The following CACNA1C variants were observed in gnomAD, a reference collection of about 807,000 sequenced individuals.
CACNA1C encodes the protein calcium voltage-gated channel subunit alpha1 C.
CACNA1C carries 30 observed loss-of-function variants against 229.0 expected under a neutral mutation model. The observed-to-expected ratio is 0.13, with a 90% CI of 0.10 to 0.18. The LOEUF (loss-of-function observed/expected upper bound fraction) is 0.18. Among genes scored for constraint, CACNA1C ranks in the 10% least tolerant of loss-of-function variants. The pLI, the probability that CACNA1C is intolerant of heterozygous loss-of-function variation, is 1.00. For missense variants in CACNA1C, 1,658 were observed against 2,845.0 expected, an observed-to-expected ratio of 0.58 and a Z score of 9.49; for synonymous variants, 1,114 against 1,132.5, an observed-to-expected ratio of 0.98 and a Z score of 0.33.
At chr12:2,196,842 G>A (rs2097420324) in intron 3 of CACNA1C, among the ~76,000 whole-genome samples, 1 of 152,212 alleles carries the variant, frequency 6.6e-6, no homozygotes, top group Admixed American at 6.5e-5. Flanking sequence ...ATGGGTGTGT[G>A]CAGCCACACG....
rs1315782006 is a variant in CACNA1C at position 2,680,665 on chromosome 12, C to G, written c.5444+869C>G. The G allele has an allele frequency of 8.8e-6, 10 of 1,131,536 alleles. 1 individual carries two copies. The South Asian group carries it at 1.5e-4, about 17-fold the overall frequency. 70.1% of individuals were successfully genotyped at this position (1,131,536 alleles called of 1,614,324 possible). A position where few individuals can be genotyped will look rare whatever the true frequency, so the allele number is the denominator to read the frequency against. ...CCTGGAAAAGTGTCCATCCAAGGAG[C>G]AGGCACACCTGCCGCTGGCCTGCCT... On this transcript the variant is annotated intron_variant, in intron 42 of 46. Transcript: ENST00000399655.
At chr12:2,116,775 G>A (rs1565797098) in intron 2 of CACNA1C, among the ~76,000 whole-genome samples, 1 of 152,104 alleles carries the variant, frequency 6.6e-6, no homozygotes, top group South Asian at 2.1e-4. Flanking sequence ...GAACAGATGG[G>A]ACTAGAACCC....
At chr12:2,151,768 G>A (rs763304004) in intron 3 of CACNA1C, among the ~76,000 whole-genome samples, 13 of 152,186 alleles carry the variant, frequency 8.5e-5, no homozygotes, top group East Asian at 3.9e-4. Context: ...AGACACACAC[G>A]AAGCTTGTCT....
At chr12:2,189,360 A>G (rs1191686424) in intron 3 of CACNA1C, among the ~76,000 whole-genome samples, 2 of 152,112 alleles carry the variant, frequency 1.3e-5, no homozygotes, top group Non-Finnish European at 2.9e-5. Context: ...CTACCAGAGG[A>G]ATGGGGAAGA....
rs534419010 is a variant in CACNA1C at position 2,166,755 on chromosome 12, T to G, written c.477+46325T>G. ...AAAAGTTAGCTGAAATTATGTTAAC[T>G]AGTCTAAGCAGAGGATTAGTAGGCA... On this transcript the variant is annotated intron_variant, in intron 3 of 46. Transcript: ENST00000399655. Among the ~76,000 whole-genome samples, 3 of 152,302 alleles carry G rather than the reference T, an allele frequency of 2.0e-5. No individual in the cohort carries two copies. The South Asian group carries it at 6.2e-4, about 32-fold the overall frequency.
intron 3 of CACNA1C, among the ~76,000 whole-genome samples, chr12:2,404,269 T>C (rs1317569584): frequency 6.6e-6 from 1 of 152,122 alleles, no homozygotes; most frequent in African/African-American, 2.4e-5. Flanking sequence ...CCTGGCCTTT[T>C]CCTCACAGTA....
rs751014373 is a variant in CACNA1C at position 2,608,677 on chromosome 12, C to T, written c.3523C>T (p.Gln1175Ter). 1 of 1,614,146 alleles carries T rather than the reference C, an allele frequency of 6.2e-7. No homozygotes were observed. The highest frequency in any genetic ancestry group is 8.5e-7 in the Non-Finnish European group (1 of 1,179,998). The change falls in exon 27 of 47, where the codon CAG (glutamine) becomes TAG (stop). Residue 1175 changes from glutamine (Q) to a stop codon, truncating the protein, a stop_gained. Coordinates refer to ENST00000399655, the MANE Select transcript of CACNA1C (RefSeq NM_000719.7). LOFTEE classifies it high-confidence loss of function. The surrounding 1 kb of genome is among the most constrained non-coding windows in gnomAD (Gnocchi z 4.2). ...CGTCACCTTTCAGGAGCAGGGGGAG[C>T]AGGAGTACAAGAACTGTGAGCTGGA... ...VIVTFQEQGEQEYKNCELDKN... is the reference protein window; with the variant it reads ...VIVTFQEQGE
rs2095876347 is a variant in CACNA1C at position 2,319,711 on chromosome 12, A to G, written c.478-129265A>G. Among the ~76,000 whole-genome samples, 2 of 151,958 alleles carry G rather than the reference A, an allele frequency of 1.3e-5. No homozygotes were observed. The highest frequency in any genetic ancestry group is 4.8e-5 in the African/African-American group (2 of 41,358). ...TAAATTTGATCTGGGGTGTCTGCAA[A>G]TGTTGGTGCTCACGGGGGTGTGCTG... On this transcript the variant is annotated intron_variant, in intron 3 of 46. Transcript: ENST00000399655. The surrounding 1 kb of genome is among the most constrained non-coding windows in gnomAD (Gnocchi z 4.0).
intron 1 of CACNA1C, among the ~76,000 whole-genome samples, chr12:1,975,086 G>A (rs1040460074): frequency 2.6e-5 from 4 of 152,094 alleles, no homozygotes; most frequent in Admixed American, 1.3e-4. Flanking sequence ...TCTAGCCAAA[G>A]GAGCCTAGTG....
intron 1 of CACNA1C, among the ~76,000 whole-genome samples, chr12:2,042,396 A>G (rs888232302): frequency 2.6e-5 from 4 of 152,216 alleles, no homozygotes; most frequent in African/African-American, 7.2e-5. Flanking sequence ...AGATACTATT[A>G]ATGTACAACT....
At chr12:2,231,850 A>AGATCAG (rs1259802179) in intron 3 of CACNA1C, among the ~76,000 whole-genome samples, 1 of 152,202 alleles carries the variant, frequency 6.6e-6, no homozygotes. Flanking sequence ...GTTTTTGGCA[A>AGATCAG]GATCAGGAGC....
intron 3 of CACNA1C, among the ~76,000 whole-genome samples, chr12:2,185,223 C>T (rs999697772): frequency 3.3e-5 from 5 of 152,164 alleles, no homozygotes; most frequent in African/African-American, 9.7e-5. Flanking sequence ...GGCAGGCAGG[C>T]GAGATAGACA....
chr12:2,126,241 G>A (rs2090002992), intron 3 of CACNA1C, among the ~76,000 whole-genome samples: 1 of 152,062 alleles, frequency 6.6e-6, no homozygotes, highest in East Asian at 1.9e-4. Context: ...CCTCATGCTA[G>A]TGAAGCATAA....
chr12:2,421,634 C>T lies in CACNA1C; in HGVS notation c.478-27342C>T, dbSNP rs73246674. On this transcript the variant is annotated intron_variant, in intron 3 of 46. Transcript: ENST00000399655. ...TCTGTAAGAGTATCGCAATTCTGGC[C>T]GGACACAGTGGCTCACACCTGTAAT... 9.1e-4 allele frequency among the ~76,000 whole-genome samples: 138 copies of T among 152,228 alleles called. 1 individual carries two copies. Among genetic ancestry groups the T allele is most frequent in the African/African-American group, 3.0e-3 (124 of 41,528 alleles).
intron 16 of CACNA1C, 136 bp downstream of exon 16, chr12:2,584,753 T>C: frequency 1.6e-6 from 1 of 619,308 alleles, no homozygotes; most frequent in Non-Finnish European, 2.9e-6. Flanking sequence ...GTTTGGGGCT[T>C]CCTAAGTTGG....
intron 3 of CACNA1C, among the ~76,000 whole-genome samples, chr12:2,351,469 G>A (rs542364904): frequency 3.3e-5 from 5 of 152,332 alleles, no homozygotes; most frequent in Middle Eastern, 3.4e-3. Context: ...TCCTGGCCCT[G>A]GAGGTGGTCT....
intron 3 of CACNA1C, among the ~76,000 whole-genome samples, chr12:2,417,832 C>T (rs2098929691): frequency 6.6e-6 from 1 of 152,100 alleles, no homozygotes; most frequent in Non-Finnish European, 1.5e-5. Flanking sequence ...CTGCAGGTGG[C>T]TACCCCTCCC....
At position 2,694,156 on chromosome 12, in the gene CACNA1C, T is replaced by A. The variant is rs754247173; in HGVS notation, c.*2957T>A. On this transcript the variant is annotated 3_prime_UTR_variant, in exon 47 of 47. Transcript: ENST00000399655. ...TTCCCTGTCTAGGGCAGGAGGACTA[T>A]CCTAGCTTGACCTTCTGATCCACTA... 1.3e-5 allele frequency: 2 copies of A among 152,212 alleles called. No homozygotes were observed. The highest frequency in any genetic ancestry group is 4.1e-4 in the South Asian group (2 of 4,826). The allele number at this position is 152,212 out of a possible 1,614,324, so 9.4% of individuals were successfully genotyped here. A position where few individuals can be genotyped will look rare whatever the true frequency, so the allele number is the denominator to read the frequency against.
chr12:2,154,847 C>A lies in CACNA1C; in HGVS notation c.477+34417C>A, dbSNP rs573032119. 5.3e-5 allele frequency among the ~76,000 whole-genome samples: 8 copies of A among 152,256 alleles called. No homozygotes were observed. In the East Asian group the frequency reaches 1.5e-3, roughly 29 times the overall value. ...TCTTGCCAATGATACAGAAGCTCCC[C>A]GCAGGACAGTGGGTAGGTGGGAGCT... On this transcript the variant is annotated intron_variant, in intron 3 of 46. Coordinates refer to ENST00000399655, the MANE Select transcript of CACNA1C (RefSeq NM_000719.7).
Sources: gnomAD v4.1 joint callset for allele counts (sites outside exome capture counted in the v4.1 genomes callset) on GRCh38, gnomAD v4.1.1 for gene constraint, Gnocchi (gnomAD v3.1) non-coding constraint, MANE v1.5 for transcripts, NCBI Gene and HGNC (gene_info 2026-07-23, HGNC 2026-07-21) for gene names.